FBXO9: variants seen among roughly 807,000 people sequenced by gnomAD.
FBXO9 encodes F-box protein 9, also known as F-box only protein 9.
Under a neutral mutation model 63.7 loss-of-function variants are expected in FBXO9, and 43 were observed. The observed-to-expected ratio is 0.67, with a 90% CI of 0.53 to 0.87. FBXO9 has a LOEUF of 0.87. Among genes scored for constraint, FBXO9 ranks in the 40% least tolerant of loss-of-function variants. The pLI is 0.00. For synonymous variants in FBXO9, 156 were observed against 171.7 expected (o/e 0.91, Z 0.72); for missense variants, 442 against 533.2 (o/e 0.83, Z 1.68).
chr6:53,097,840 TC>T lies in FBXO9; in HGVS notation c.*12del, dbSNP rs1221970435. 5 of 1,540,710 alleles carry T rather than the reference TC, an allele frequency of 3.2e-6. No homozygotes were observed. Among genetic ancestry groups the T allele is most frequent in the Non-Finnish European group, 4.4e-6 (5 of 1,128,708 alleles). On this transcript the variant is annotated 3_prime_UTR_variant, in exon 13 of 13. Transcript: ENST00000323557. Reference sequence around the variant, plus strand: ...AGAAAGGCCTCTGTAGAGCCTCAAGTCCAGTCCTCTATCACTTTTGCATGAA... The same window carrying T: ...AGAAAGGCCTCTGTAGAGCCTCAAGTCAGTCCTCTATCACTTTTGCATGAA...
chr6:53,066,869 A>G (rs765907412), intron 1 of FBXO9, among the ~76,000 whole-genome samples: 5 of 152,238 alleles, frequency 3.3e-5, no homozygotes, highest in Non-Finnish European at 7.3e-5. Flanking sequence ...ACTTATTTCA[A>G]GTAGTAGTTG....
chr6:53,092,927 C>G (rs554262875), intron 9 of FBXO9, 103 bp downstream of exon 9: 36 of 670,060 alleles, frequency 5.4e-5, no homozygotes, highest in Non-Finnish European at 8.7e-5. Flanking sequence ...GCAAAATGGC[C>G]CTCAGTATTT....
At chr6:53,081,185 T>C in intron 6 of FBXO9, 87 bp downstream of exon 6, 2 of 1,294,534 alleles carry the variant, frequency 1.5e-6, no homozygotes, top group Non-Finnish European at 2.1e-6. Flanking sequence ...ATTTGCCAGA[T>C]AACTGCTGCT....
chr6:53,093,685 T>G (rs1763115961), intron 10 of FBXO9, 124 bp downstream of exon 10: 4 of 869,654 alleles, frequency 4.6e-6, no homozygotes, highest in Non-Finnish European at 5.3e-6. Context: ...TCATTCAGGG[T>G]CTTAGGAAAA....
Position 53,094,751 on chromosome 6 carries a change from C to G in FBXO9, c.1054-762C>G, listed in dbSNP as rs943881519. Reference sequence around the variant, plus strand: ...TTGTGGCCACCTGTTGCTGGCGTCTCCACTTCCCTCTGATGGGCTCCTGGA... The same window carrying G: ...TTGTGGCCACCTGTTGCTGGCGTCTGCACTTCCCTCTGATGGGCTCCTGGA... On this transcript the variant is annotated intron_variant, in intron 11 of 12. Coordinates refer to ENST00000323557, the MANE Select transcript of FBXO9 (RefSeq NM_033480.3). 1.6e-5 allele frequency: 7 copies of G among 444,064 alleles called. No individual in the cohort carries two copies. The Admixed American group carries it at 1.7e-4, about 11-fold the overall frequency. 27.5% of individuals were successfully genotyped at this position (444,064 alleles called of 1,614,324 possible).
chr6:53,065,449 C>G lies in FBXO9; in HGVS notation c.-341C>G, dbSNP rs1319143519. 3 of 279,872 alleles carry G rather than the reference C, an allele frequency of 1.1e-5. No individual in the cohort carries two copies. The highest frequency in any genetic ancestry group is 6.6e-5 in the African/African-American group (3 of 45,500). 17.3% of individuals were successfully genotyped at this position (279,872 alleles called of 1,614,324 possible). A position where few individuals can be genotyped will look rare whatever the true frequency, so the allele number is the denominator to read the frequency against. On this transcript the variant is annotated 5_prime_UTR_variant, in exon 1 of 13. Coordinates refer to ENST00000323557, the MANE Select transcript of FBXO9 (RefSeq NM_033480.3). The stretch of plus-strand genomic sequence containing the variant: ...GGTTTCCGCAGCTGAGGGGGCAGCT[C>G]CGCGGCGGCGTCCGGGGTCTCCAGT...
chr6:53,096,419 G>A (rs1276767807), intron 12 of FBXO9, among the ~76,000 whole-genome samples: 3 of 152,152 alleles, frequency 2.0e-5, no homozygotes. Flanking sequence ...AGCTTCCATT[G>A]CCTCTTTGCA....
At position 53,092,763 on chromosome 6, in the gene FBXO9, C is replaced by T. The variant is rs764924520; in HGVS notation, c.802C>T (p.Arg268Cys). 3 of 1,611,984 alleles carry T rather than the reference C, an allele frequency of 1.9e-6. No individual in the cohort carries two copies. The highest frequency in any genetic ancestry group is 1.1e-5 in the South Asian group (1 of 90,700). ...GTATATCAGTAAAACCACATATATT[C>T]GTCAAGGGGAACAGTCTCTTGATGG... ...GVYISKTTYI[R>C]QGEQSLDGFY... The change falls in exon 9 of 13, where the codon CGT (arginine) becomes TGT (cysteine). Residue 268 changes from arginine to cysteine, a missense_variant. Physicochemically the swap from Arg to Cys is radical, Grantham distance 180. This residue lies in a region of FBXO9 where 262 missense variants were observed against 362.1 expected (regional missense o/e 0.72). Transcript: ENST00000323557.
At chr6:53,085,034 G>A (rs1426889564) in intron 7 of FBXO9, among the ~76,000 whole-genome samples, 1 of 151,974 alleles carries the variant, frequency 6.6e-6, no homozygotes, top group Non-Finnish European at 1.5e-5. Context: ...GTTTCTAATT[G>A]TATCCTCATA....
intron 7 of FBXO9, among the ~76,000 whole-genome samples, chr6:53,088,647 G>A (rs960834680): frequency 1.7e-4 from 26 of 150,916 alleles, no homozygotes; most frequent in African/African-American, 5.9e-4. Context: ...CGCCCAGGCT[G>A]CAGTACAGTG....
Position 53,093,231 on chromosome 6 carries a change from G to C in FBXO9, c.864-235G>C, listed in dbSNP as rs561127726. ...ACAATATTTGACTTTTATTCAGTGAGTAAAACTTAAAAGTTCAACAGTTTC... is the reference window on the plus strand; with the variant it reads ...ACAATATTTGACTTTTATTCAGTGACTAAAACTTAAAAGTTCAACAGTTTC... On this transcript the variant is annotated intron_variant, in intron 9 of 12. Coordinates refer to ENST00000323557, the MANE Select transcript of FBXO9 (RefSeq NM_033480.3). The C allele has an allele frequency of 2.3e-4, 101 of 437,814 alleles. 1 individual carries two copies. In the South Asian group the frequency reaches 5.7e-3, roughly 25 times the overall value. The allele number at this position is 437,814 out of a possible 1,614,324, so 27.1% of individuals were successfully genotyped here.
chr6:53,093,440 T>G, intron 9 of FBXO9, 26 bp from the exon 10 acceptor site: 2 of 1,533,170 alleles, frequency 1.3e-6, no homozygotes, highest in Middle Eastern at 3.4e-4. Flanking sequence ...GGGGTGTGTT[T>G]TGGTCTTCCT....
chr6:53,094,087 GT>G, intron 11 of FBXO9, 109 bp downstream of exon 11: 1 of 513,154 alleles, frequency 1.9e-6, no homozygotes, highest in Non-Finnish European at 3.3e-6. Flanking sequence ...TATTTATACT[GT>G]TATATAAAAT....
chr6:53,065,962 G>C, intron 1 of FBXO9, 170 bp downstream of exon 1: 1 of 1,161,640 alleles, frequency 8.6e-7, no homozygotes, highest in East Asian at 3.2e-5. Flanking sequence ...CGGGGGGCGG[G>C]GGGTGCCAAC....
chr6:53,090,642 A>G (rs138792029), intron 7 of FBXO9, among the ~76,000 whole-genome samples: 5 of 152,300 alleles, frequency 3.3e-5, no homozygotes, highest in African/African-American at 9.6e-5. Context: ...ATCTTTTTCA[A>G]TCTGACACCG....
intron 6 of FBXO9, among the ~76,000 whole-genome samples, chr6:53,081,431 C>A (rs1769310123): frequency 6.6e-6 from 1 of 152,042 alleles, no homozygotes; most frequent in South Asian, 2.1e-4. Context: ...GCCACCACAC[C>A]CAGCTAAATT....
At chr6:53,077,472 C>CAAAA (rs1173539613) in intron 4 of FBXO9, among the ~76,000 whole-genome samples, 8 of 70,462 alleles carry the variant, frequency 1.1e-4, no homozygotes, top group Non-Finnish European at 1.5e-4. Flanking sequence ...GACTCCGTCT[C>CAAAA]AAAAAAAAAA....
chr6:53,080,897 A>G (rs1769286282), intron 5 of FBXO9, 71 bp from the exon 6 acceptor site: 6 of 1,542,598 alleles, frequency 3.9e-6, no homozygotes, highest in Non-Finnish European at 4.4e-6. Context: ...TGAAAATGCT[A>G]TGAAAAATCA....
Position 53,076,560 on chromosome 6 carries a change from C to A in FBXO9, c.307+17C>A. On this transcript the variant is annotated intron_variant, in intron 4 of 12. Coordinates refer to ENST00000323557, the MANE Select transcript of FBXO9 (RefSeq NM_033480.3). Reference sequence around the variant, plus strand: ...TCTATGAAGGTAAAAATTCAGAGCCCAGGTTCATATCATAACATTTCTGAA... The same window carrying A: ...TCTATGAAGGTAAAAATTCAGAGCCAAGGTTCATATCATAACATTTCTGAA... The A allele has an allele frequency of 6.6e-7, 1 of 1,507,112 alleles. No homozygotes were observed. Among genetic ancestry groups the A allele is most frequent in the Non-Finnish European group, 8.8e-7 (1 of 1,135,434 alleles). The allele number at this position is 1,507,112 out of a possible 1,614,324, so 93.4% of individuals were successfully genotyped here.
Sources: allele counts gnomAD v4.1 joint callset (sites outside exome capture counted in the v4.1 genomes callset), GRCh38; gene constraint gnomAD v4.1.1; regional missense constraint gnomAD v4.1.1; transcripts MANE v1.5; gene names NCBI Gene and HGNC (gene_info 2026-07-23, HGNC 2026-07-21).